MARCHF1: variants seen among roughly 807,000 people sequenced by gnomAD.
MARCHF1 encodes the protein membrane associated ring-CH-type finger 1.
A neutral mutation model predicts 54.2 loss-of-function variants in MARCHF1; 40 were observed. The ratio of observed to expected loss-of-function variants is 0.74; its 90% CI spans 0.57 to 0.96. The LOEUF (loss-of-function observed/expected upper bound fraction) is 0.96, where lower values mean the gene tolerates loss of function less well. Among genes scored for constraint, MARCHF1 ranks in the 40% least tolerant of loss-of-function variants. The pLI, the probability that MARCHF1 is intolerant of heterozygous loss-of-function variation, is 0.00. For synonymous variants in MARCHF1, 236 were observed against 236.3 expected, an observed-to-expected ratio of 1.00 and a Z score of 0.01; for missense variants, 586 against 656.5, an observed-to-expected ratio of 0.89 and a Z score of 1.17.
At chr4:164,189,259 GC>G in intron 1 of MARCHF1, 1 of 584,478 alleles carries the variant, frequency 1.7e-6, no homozygotes, top group Non-Finnish European at 3.1e-6. Flanking sequence ...GGTAGAAAAG[GC>G]CAGATGGGCC....
At chr4:163,792,669 A>ATT (rs1261931021) in intron 4 of MARCHF1, among the ~76,000 whole-genome samples, 1 of 152,226 alleles carries the variant, frequency 6.6e-6, no homozygotes, top group African/African-American at 2.4e-5. Context: ...AAACATAATC[A>ATT]GTCAATCCTG....
chr4:163,769,026 C>A (rs1747073176), intron 4 of MARCHF1, among the ~76,000 whole-genome samples: 1 of 151,936 alleles, frequency 6.6e-6, no homozygotes, highest in Admixed American at 6.6e-5. Context: ...ATAATAAGGC[C>A]CATTATTCCT....
At chr4:163,656,703 C>T (rs1198357647) in intron 5 of MARCHF1, among the ~76,000 whole-genome samples, 1 of 152,076 alleles carries the variant, frequency 6.6e-6, no homozygotes, top group Non-Finnish European at 1.5e-5. Context: ...AAAGCTTATC[C>T]ACCATGATCA....
chr4:163,634,380 C>G lies in MARCHF1; in HGVS notation c.163-20987G>C, dbSNP rs889329660. Among the ~76,000 whole-genome samples, 30 of 148,060 alleles carry G rather than the reference C, an allele frequency of 2.0e-4. No individual in the cohort carries two copies. In the East Asian group the frequency reaches 4.3e-3, roughly 21 times the overall value. On this transcript the variant is annotated intron_variant, in intron 5 of 9. Coordinates refer to ENST00000514618, the MANE Select transcript of MARCHF1 (RefSeq NM_001394959.1). ...TCATGTGCAGAGACACACATAGGCTCAAAATAAAAGGATGGAGGAAGATCT... is the reference window on the plus strand; with the variant it reads ...TCATGTGCAGAGACACACATAGGCTGAAAATAAAAGGATGGAGGAAGATCT...
In MARCHF1 at chr4:163,545,755, A is replaced by C; in HGVS notation, c.1192-12T>G. ...TGTAGTTTCTCCCACTGCAATCAGA[A>C]ATGAAGGACACAAAACTGAATTGCA... On this transcript the variant is annotated splice_polypyrimidine_tract_variant and intron_variant, in intron 8 of 9. Coordinates refer to ENST00000514618, the MANE Select transcript of MARCHF1 (RefSeq NM_001394959.1). 6.2e-7 allele frequency: 1 copy of C among 1,612,654 alleles called. No homozygotes were observed. Among genetic ancestry groups the C allele is most frequent in the Non-Finnish European group, 8.5e-7 (1 of 1,179,428 alleles).
Position 163,525,667 on chromosome 4 carries a change from G to T in MARCHF1, c.*3081C>A. The T allele has an allele frequency of 1.3e-5, 2 of 151,790 alleles. No homozygotes were observed. The highest frequency in any genetic ancestry group is 4.8e-5 in the African/African-American group (2 of 41,314). The allele number at this position is 151,790 out of a possible 1,614,324, so 9.4% of individuals were successfully genotyped here. On this transcript the variant is annotated 3_prime_UTR_variant, in exon 10 of 10. Coordinates refer to ENST00000514618, the MANE Select transcript of MARCHF1 (RefSeq NM_001394959.1). ...AAGATTCATGATTATAAAGAGCCAA[G>T]GTTTTTAACACAACTGTAATTTCAT... is the stretch of plus-strand genomic sequence containing the variant.
intron 8 of MARCHF1, among the ~76,000 whole-genome samples, chr4:163,558,795 G>A (rs1450212365): frequency 5.9e-5 from 9 of 152,110 alleles, no homozygotes; most frequent in Non-Finnish European, 1.3e-4. Context: ...CTAGAGAGAG[G>A]GTGAGCAGCT....
At chr4:163,665,705 C>A (rs1182131675) in intron 5 of MARCHF1, among the ~76,000 whole-genome samples, 2 of 152,048 alleles carry the variant, frequency 1.3e-5, no homozygotes, top group African/African-American at 4.8e-5. Flanking sequence ...AATAGTGAAA[C>A]CCTAAGTAGA....
intron 3 of MARCHF1, among the ~76,000 whole-genome samples, chr4:163,925,526 C>T (rs954222823): frequency 1.3e-5 from 2 of 151,764 alleles, no homozygotes; most frequent in African/African-American, 4.8e-5. Flanking sequence ...ATGAATGATA[C>T]TTAAATCAAG....
rs749053460 is a variant in MARCHF1, at chr4:163,666,682, ATGTCT to A, written c.162+34126_162+34130del. 2.2e-4 allele frequency among the ~76,000 whole-genome samples: 34 copies of A among 151,732 alleles called. 1 individual carries two copies. The highest frequency in any genetic ancestry group is 7.2e-4 in the Admixed American group (11 of 15,236). ...AGGGAACAGTAGGATCAGACAGAAG[ATGTCT>A]TGTCACAAGAAATTTTCAGATTTTT... On this transcript the variant is annotated intron_variant, in intron 5 of 9. Transcript: ENST00000514618.
chr4:163,743,890 A>C (rs1027107901), intron 4 of MARCHF1, among the ~76,000 whole-genome samples: 1 of 152,224 alleles, frequency 6.6e-6, no homozygotes, highest in African/African-American at 2.4e-5. Context: ...TTGGCACTGA[A>C]ATAGACATTT....
chr4:163,632,513 C>T (rs948141642), intron 5 of MARCHF1, among the ~76,000 whole-genome samples: 5 of 152,162 alleles, frequency 3.3e-5, no homozygotes, highest in Non-Finnish European at 4.4e-5. Context: ...CGGGTCACTC[C>T]CACCCGAATA....
At chr4:164,215,139 A>G (rs996720425) in intron 1 of MARCHF1, among the ~76,000 whole-genome samples, 2 of 152,220 alleles carry the variant, frequency 1.3e-5, no homozygotes, top group Middle Eastern at 3.4e-3. Flanking sequence ...TCCTTGGTTT[A>G]CCGGAAGAAT....
At chr4:163,680,646 G>A (rs1470398228) in intron 5 of MARCHF1, among the ~76,000 whole-genome samples, 3 of 152,146 alleles carry the variant, frequency 2.0e-5, no homozygotes, top group Non-Finnish European at 4.4e-5. Flanking sequence ...GGAACTAGGA[G>A]TGTTTCTTGC....
intron 1 of MARCHF1, among the ~76,000 whole-genome samples, chr4:164,325,256 C>G (rs1215155836): frequency 6.7e-6 from 1 of 150,020 alleles, no homozygotes; most frequent in Non-Finnish European, 1.5e-5. Context: ...GAGTTGCTAG[C>G]AAAATTGTGG....
intron 8 of MARCHF1, among the ~76,000 whole-genome samples, chr4:163,559,312 A>G (rs1295206380): frequency 6.6e-6 from 1 of 152,244 alleles, no homozygotes; most frequent in Non-Finnish European, 1.5e-5. Context: ...AAACCATTTT[A>G]AAATGCAACT....
rs140040356 is a variant in MARCHF1, at chr4:164,046,189, C to T, written c.-247-57480G>A. On this transcript the variant is annotated intron_variant, in intron 2 of 9. Coordinates refer to ENST00000514618, the MANE Select transcript of MARCHF1 (RefSeq NM_001394959.1). Reference sequence around the variant, plus strand: ...TCAGTATCAAATGTTTGGTAATGGGCCTTTGCCCAAGAGGGACACATTATC... The same window carrying T: ...TCAGTATCAAATGTTTGGTAATGGGTCTTTGCCCAAGAGGGACACATTATC... Among the ~76,000 whole-genome samples the T allele has an allele frequency of 7.1e-3, 1,075 of 152,302 alleles. 10 individuals carry two copies. The highest frequency in any genetic ancestry group is 0.024 in the East Asian group (123 of 5,190).
chr4:164,064,431 T>A (rs1286425686), intron 2 of MARCHF1, among the ~76,000 whole-genome samples: 1 of 152,216 alleles, frequency 6.6e-6, no homozygotes, highest in African/African-American at 2.4e-5. Flanking sequence ...GGGAGTTCAT[T>A]CCTGATTTGG....
intron 5 of MARCHF1, among the ~76,000 whole-genome samples, chr4:163,659,522 G>A (rs918436480): frequency 2.0e-5 from 3 of 152,012 alleles, no homozygotes; most frequent in Admixed American, 1.3e-4. Context: ...AACACCAAAA[G>A]CAATTGCAAC....
Sources: gnomAD v4.1 joint callset for allele counts (sites outside exome capture counted in the v4.1 genomes callset) on GRCh38, gnomAD v4.1.1 for gene constraint, MANE v1.5 for transcripts, NCBI Gene and HGNC (gene_info 2026-07-23, HGNC 2026-07-21) for gene names.